The following SRP68 variants were observed in gnomAD, a reference collection of about 807,000 sequenced individuals.
The protein encoded by SRP68 is signal recognition particle subunit SRP68.
SRP68 carries 15 observed loss-of-function variants against 82.2 expected under a neutral mutation model. The observed-to-expected ratio is 0.18, with a 90% confidence interval of 0.12 to 0.28. The LOEUF is 0.28. Among genes scored for constraint, SRP68 ranks in the 10% least tolerant of loss-of-function variants. SRP68 has a pLI of 1.00. For synonymous variants in SRP68, 261 were observed against 292.6 expected (o/e 0.89, Z 1.10); for missense variants, 595 against 780.5 (o/e 0.76, Z 2.83).
chr17:76,063,057 A>T (rs899283885), intron 4 of SRP68, among the ~76,000 whole-genome samples: 2 of 151,722 alleles, frequency 1.3e-5, no homozygotes, highest in African/African-American at 2.4e-5. Context: ...GGCGTGAGCC[A>T]CCACGCCCGG....
chr17:76,039,091 A>T lies in SRP68; in HGVS notation c.*615T>A, dbSNP rs1448296405. 1 of 314,736 alleles carries T rather than the reference A, an allele frequency of 3.2e-6. No individual in the cohort carries two copies. Among genetic ancestry groups the T allele is most frequent in the Non-Finnish European group, 6.4e-6 (1 of 157,104 alleles). The allele number at this position is 314,736 out of a possible 1,614,324, so 19.5% of individuals were successfully genotyped here. A position where few individuals can be genotyped will look rare whatever the true frequency, so the allele number is the denominator to read the frequency against. On this transcript the variant is annotated 3_prime_UTR_variant, in exon 16 of 16. Coordinates refer to ENST00000307877, the MANE Select transcript of SRP68 (RefSeq NM_014230.4). ...CTGGACATGAGGGAGGGCATATAAGAAATGGGCACAGTCTCCGTCATCTTT... is the reference window on the plus strand; with the variant it reads ...CTGGACATGAGGGAGGGCATATAAGTAATGGGCACAGTCTCCGTCATCTTT...
rs1189882179 is a variant in SRP68, at chr17:76,052,953, G to C, written c.979-2427C>G. ...AAAAAAAGACATGTGAATGGACTTG[G>C]CACCACTACTTAAGAAACACACATG... On this transcript the variant is annotated intron_variant, in intron 8 of 15. Coordinates refer to ENST00000307877, the MANE Select transcript of SRP68 (RefSeq NM_014230.4). Among the ~76,000 whole-genome samples the C allele has an allele frequency of 4.0e-5, 6 of 149,946 alleles. No individual in the cohort carries two copies. In the East Asian group the frequency reaches 1.0e-3, roughly 25 times the overall value.
chr17:76,045,469 A>T, intron 11 of SRP68, 83 bp from the exon 12 acceptor site: 1 of 1,041,736 alleles, frequency 9.6e-7, no homozygotes, highest in Non-Finnish European at 1.4e-6. Flanking sequence ...AAGAACGGAC[A>T]AGAGTGAGGA....
At chr17:76,045,478 G>A (rs948671348) in intron 11 of SRP68, 92 bp from the exon 12 acceptor site, 67 of 792,208 alleles carry the variant, frequency 8.5e-5, no homozygotes, top group African/African-American at 5.4e-4. Flanking sequence ...CAAGAGTGAG[G>A]AAAAAAAAAA....
Position 76,062,615 on chromosome 17 carries a change from ATATATAATATACATTATATAT to A in SRP68, c.562-1062_562-1042del, listed in dbSNP as rs1239557863. On this transcript the variant is annotated intron_variant, in intron 4 of 15. Coordinates refer to ENST00000307877, the MANE Select transcript of SRP68 (RefSeq NM_014230.4). ...TATAATATACATTATATATTATATAATATATAATATACATTATATATTATATAATATACATTATATATTATA... is the reference window on the plus strand; with the variant it reads ...TATAATATACATTATATATTATATAATATATAATATACATTATATATTATA... 5.6e-3 allele frequency among the ~76,000 whole-genome samples: 232 copies of A among 41,518 alleles called. 16 individuals carry two copies. The highest frequency in any genetic ancestry group is 0.026 in the South Asian group (44 of 1,668). 27.2% of individuals were successfully genotyped at this position (41,518 alleles called of 152,430 possible).
At chr17:76,063,702 A>C (rs2066786477) in intron 4 of SRP68, among the ~76,000 whole-genome samples, 1 of 151,974 alleles carries the variant, frequency 6.6e-6, no homozygotes, top group Non-Finnish European at 1.5e-5. Flanking sequence ...AAAAAAAAAA[A>C]AAAGTTACAG....
intron 1 of SRP68, among the ~76,000 whole-genome samples, 167 bp from the exon 2 acceptor site, chr17:76,070,611 C>T (rs1245357564): frequency 2.6e-5 from 4 of 152,030 alleles, no homozygotes; most frequent in African/African-American, 9.7e-5. Context: ...GAGGCCGAGG[C>T]GGGTGTATCA....
chr17:76,054,420 A>G (rs2066697944), intron 8 of SRP68, among the ~76,000 whole-genome samples: 1 of 152,232 alleles, frequency 6.6e-6, no homozygotes, highest in Non-Finnish European at 1.5e-5. Flanking sequence ...ATACATGGAA[A>G]TCTGGTAAAG....
chr17:76,049,790 G>A (rs1165231484), intron 9 of SRP68: 2 of 152,194 alleles, frequency 1.3e-5, no homozygotes, highest in Non-Finnish European at 2.9e-5. Flanking sequence ...TGCTGCCTAT[G>A]GGGTTTATCA....
intron 4 of SRP68, among the ~76,000 whole-genome samples, chr17:76,063,472 G>A (rs1270028490): frequency 2.0e-5 from 3 of 152,150 alleles, no homozygotes; most frequent in Middle Eastern, 3.4e-3. Flanking sequence ...GGTGGATCAC[G>A]AGGTCAGGAG....
Position 76,070,434 on chromosome 17 carries a change from A to C in SRP68, c.195T>G (p.Ile65Met). The C allele has an allele frequency of 6.2e-7, 1 of 1,614,034 alleles. No homozygotes were observed. Among genetic ancestry groups the C allele is most frequent in the South Asian group, 1.1e-5 (1 of 91,072 alleles). The stretch of plus-strand genomic sequence containing the variant: ...CATGCTGCTGCTGGGATTCCTTAAT[A>C]ATCTGAAGAACTAGAGTCGAGATTA... ...GDSLSLEILQ[I>M]IKESQQQHGL... is the part of the protein sequence containing the mutation. Residue 65 changes from isoleucine (I) to methionine (M), a missense_variant, in exon 2 of 16, where the codon ATT becomes ATG. By Grantham distance (10) the Ile-to-Met change is conservative. Around this residue, in one of 2 missense-constraint regions of SRP68, gnomAD observed 100 missense variants for 91.9 expected, o/e 1.09. Transcript: ENST00000307877.
rs767203079 is a variant in SRP68 at position 76,057,524 on chromosome 17, C to A, written c.857G>T (p.Arg286Leu). 6.2e-7 allele frequency: 1 copy of A among 1,614,028 alleles called. No homozygotes were observed. The highest frequency in any genetic ancestry group is 1.7e-5 in the Admixed American group (1 of 59,990). Residue 286 changes from arginine to leucine, a missense_variant, in exon 8 of 16, where the codon CGA becomes CTA. Transcript: ENST00000307877. ...EKLEALITQTRAKQAATMSEV... is the reference protein window; with the variant it reads ...EKLEALITQTLAKQAATMSEV... ...ACTCATGGTAGCTGCCTGTTTGGCT[C>A]GAGTCTGAGTGATCAAAGCCTGAAA... is the stretch of plus-strand genomic sequence containing the variant.
chr17:76,045,491 C>G (rs2066623665), intron 11 of SRP68, 105 bp from the exon 12 acceptor site: 1 of 821,296 alleles, frequency 1.2e-6, no homozygotes, highest in African/African-American at 1.7e-5. Flanking sequence ...AAAAAAAAGC[C>G]CGAGGTCAAT....
At position 76,070,288 on chromosome 17, in the gene SRP68, T is replaced by A. The variant is rs1046453735; in HGVS notation, c.251+90A>T. On this transcript the variant is annotated intron_variant, in intron 2 of 15. Coordinates refer to ENST00000307877, the MANE Select transcript of SRP68 (RefSeq NM_014230.4). ...AAACAATGCTCTAGACTTTCTAGCA[T>A]ATTTGCTGATATAGCAGAGTAAACA... The A allele has an allele frequency of 5.8e-5, 54 of 925,604 alleles. 1 individual carries two copies. Among genetic ancestry groups the A allele is most frequent in the Non-Finnish European group, 8.2e-5 (48 of 582,530 alleles). 57.3% of individuals were successfully genotyped at this position (925,604 alleles called of 1,614,324 possible).
chr17:76,043,434 A>C (rs370093734), intron 13 of SRP68: 1 of 153,780 alleles, frequency 6.5e-6, no homozygotes, highest in Non-Finnish European at 1.4e-5. Context: ...GGCCTTTCTA[A>C]GTCCCAATGC....
chr17:76,043,718 C>G, intron 13 of SRP68, 111 bp downstream of exon 13: 3 of 1,240,824 alleles, frequency 2.4e-6, no homozygotes, highest in Admixed American at 5.6e-5. Flanking sequence ...CCACGGGCAG[C>G]CAGGGAGGAC....
rs1160583234 is a variant in SRP68, at chr17:76,053,216, A to G, written c.979-2690T>C. 3.4e-5 allele frequency among the ~76,000 whole-genome samples: 5 copies of G among 145,176 alleles called. No individual in the cohort carries two copies. The East Asian group carries it at 1.1e-3, about 31-fold the overall frequency. On this transcript the variant is annotated intron_variant, in intron 8 of 15. Coordinates refer to ENST00000307877, the MANE Select transcript of SRP68 (RefSeq NM_014230.4). ...AGGAGGTGGAGGTTGCAGTGAGCTG[A>G]GATTGTGCCACTGCACTTTGGCCTG...
intron 8 of SRP68, among the ~76,000 whole-genome samples, chr17:76,053,265 C>CAAA (rs34472995): frequency 1.2e-5 from 1 of 82,558 alleles, no homozygotes; most frequent in Non-Finnish European, 2.4e-5. Flanking sequence ...GACCCTGTCT[C>CAAA]AAAAAAAAAA....
chr17:76,063,549 G>C (rs549912479), intron 4 of SRP68, among the ~76,000 whole-genome samples: 1 of 152,042 alleles, frequency 6.6e-6, no homozygotes, highest in Non-Finnish European at 1.5e-5. Flanking sequence ...TTAGCCAGGC[G>C]TGGTGGCACG....
Sources: gnomAD v4.1 joint callset for allele counts (sites outside exome capture counted in the v4.1 genomes callset) on GRCh38, gnomAD v4.1.1 for gene constraint, gnomAD v4.1.1 regional missense constraint, MANE v1.5 for transcripts, NCBI Gene and HGNC (gene_info 2026-07-23, HGNC 2026-07-21) for gene names.